CERS3: variants seen among roughly 807,000 people sequenced by gnomAD.
The protein encoded by CERS3 is ceramide synthase 3.
CERS3 carries 33 observed loss-of-function variants against 50.3 expected under a neutral mutation model. That is an observed-to-expected ratio of 0.66 (90% confidence interval 0.50 to 0.88). CERS3 has a LOEUF of 0.88. Ranked by LOEUF, CERS3 falls within the 40% of genes least tolerant of loss-of-function variation. CERS3 has a pLI of 0.00. For synonymous variants in CERS3, 176 were observed against 155.2 expected (o/e 1.13, Z -0.99); for missense variants, 470 against 460.3 (o/e 1.02, Z -0.19).
At chr15:100,417,841 G>A (rs200948329) in intron 11 of CERS3, among the ~76,000 whole-genome samples, 1 of 151,702 alleles carries the variant, frequency 6.6e-6, no homozygotes, top group African/African-American at 2.4e-5. Context: ...CACACAGCAG[G>A]GTATTCCAAC....
At position 100,456,056 on chromosome 15, in the gene CERS3, C is replaced by A. The variant is rs900533042; in HGVS notation, c.846-10G>T. 1.3e-6 allele frequency: 2 copies of A among 1,587,246 alleles called. No homozygotes were observed. Among genetic ancestry groups the A allele is most frequent in the South Asian group, 2.3e-5 (2 of 86,530 alleles). On this transcript the variant is annotated splice_polypyrimidine_tract_variant and intron_variant, in intron 10 of 11. Transcript: ENST00000679737. ...CGTGCAATATAAAATCCTGAAACAC[C>A]AAACAGTTGAGAGAATTTCATTACA... is the stretch of plus-strand genomic sequence containing the variant.
intron 1 of CERS3, among the ~76,000 whole-genome samples, chr15:100,527,211 C>T (rs1391714536): frequency 6.6e-6 from 1 of 152,140 alleles, no homozygotes; most frequent in African/African-American, 2.4e-5. Context: ...GCACGAGAAT[C>T]GCTTGAACCC....
chr15:100,466,839 C>CTCTCTTT (rs1491512108), intron 10 of CERS3, among the ~76,000 whole-genome samples: 1 of 95,806 alleles, frequency 1.0e-5, no homozygotes, highest in Non-Finnish European at 2.0e-5. Context: ...CTCCCTCTCT[C>CTCTCTTT]CCTCTCTCTT....
chr15:100,528,641 G>A (rs1168117435), intron 1 of CERS3, among the ~76,000 whole-genome samples, 172 bp downstream of exon 1: 1 of 152,066 alleles, frequency 6.6e-6, no homozygotes, highest in African/African-American at 2.4e-5. Flanking sequence ...CCAAACATCA[G>A]ACCAAAAATG....
intron 11 of CERS3, among the ~76,000 whole-genome samples, chr15:100,429,286 C>G (rs969862368): frequency 3.3e-5 from 5 of 152,156 alleles, no homozygotes; most frequent in Non-Finnish European, 7.3e-5. Context: ...AGGAGCCCAG[C>G]TGGCATACTT....
At chr15:100,447,545 A>T (rs1480805696) in intron 11 of CERS3, among the ~76,000 whole-genome samples, 1 of 152,204 alleles carries the variant, frequency 6.6e-6, no homozygotes, top group Non-Finnish European at 1.5e-5. Flanking sequence ...GTTCAGGATA[A>T]ATCTATTCAA....
intron 1 of CERS3, among the ~76,000 whole-genome samples, chr15:100,537,133 A>G (rs1324575182): frequency 6.6e-6 from 1 of 152,206 alleles, no homozygotes; most frequent in African/African-American, 2.4e-5. Flanking sequence ...AGGACACTCA[A>G]GAAGGGGTAC....
intron 2 of CERS3, chr15:100,503,677 C>A (rs1409131569): frequency 2.1e-6 from 1 of 470,626 alleles, no homozygotes; most frequent in Admixed American, 2.4e-5. Context: ...GATTTCAAGC[C>A]CCCTCCCCAC....
intron 11 of CERS3, among the ~76,000 whole-genome samples, chr15:100,415,781 G>T (rs962157618): frequency 2.4e-5 from 3 of 126,048 alleles, no homozygotes; most frequent in African/African-American, 8.9e-5. Context: ...CACACACCAG[G>T]GCCTGTCGGG....
chr15:100,476,629 C>T (rs1375545610), intron 7 of CERS3, among the ~76,000 whole-genome samples: 1 of 152,096 alleles, frequency 6.6e-6, no homozygotes, highest in Non-Finnish European at 1.5e-5. Context: ...TTAGCCCATT[C>T]TAAAATGGGA....
intron 11 of CERS3, among the ~76,000 whole-genome samples, chr15:100,443,413 C>G (rs1245118705): frequency 1.3e-5 from 2 of 148,658 alleles, no homozygotes; most frequent in African/African-American, 2.5e-5. Flanking sequence ...ACAAGCCTTA[C>G]AAGTTAGTTC....
intron 3 of CERS3, among the ~76,000 whole-genome samples, chr15:100,495,141 T>C (rs2035772181): frequency 6.6e-6 from 1 of 152,198 alleles, no homozygotes; most frequent in Non-Finnish European, 1.5e-5. Flanking sequence ...ACAGGTCAGA[T>C]AGTGACAGTC....
At chr15:100,406,678 C>T (rs971075365) in intron 11 of CERS3, among the ~76,000 whole-genome samples, 27 of 152,168 alleles carry the variant, frequency 1.8e-4, no homozygotes, top group African/African-American at 5.8e-4. Flanking sequence ...AAAGCACTCC[C>T]TCCTACAGAT....
At chr15:100,533,259 CTTACT>C (rs2036984508), upstream of CERS3, among the ~76,000 whole-genome samples, 2 of 152,190 alleles carry the variant, frequency 1.3e-5, no homozygotes, top group Non-Finnish European at 2.9e-5. Context: ...CACCTTCTAA[CTTACT>C]GTATCTCTTA....
chr15:100,450,074 G>A (rs181438753), intron 11 of CERS3, among the ~76,000 whole-genome samples: 4 of 125,616 alleles, frequency 3.2e-5, no homozygotes, highest in Non-Finnish European at 7.3e-5. Flanking sequence ...AGAAATTCTG[G>A]AAGTAAAGAA....
At chr15:100,472,790 T>C in intron 9 of CERS3, 134 bp downstream of exon 9, 3 of 987,768 alleles carry the variant, frequency 3.0e-6, no homozygotes, top group South Asian at 2.6e-5. Context: ...GATCTGGGAA[T>C]CTAGAGATAT....
At chr15:100,421,258 C>A (rs994223617) in intron 11 of CERS3, among the ~76,000 whole-genome samples, 27 of 148,994 alleles carry the variant, frequency 1.8e-4, no homozygotes, top group Admixed American at 1.3e-3. Flanking sequence ...AATCAATGTA[C>A]AAAAATCACA....
chr15:100,533,748 CAG>C (rs1490817092), upstream of CERS3, among the ~76,000 whole-genome samples: 5 of 151,950 alleles, frequency 3.3e-5, no homozygotes, highest in Admixed American at 3.3e-4. Flanking sequence ...TTAGTAGAGA[CAG>C]GGTTTCACCC....
At chr15:100,479,044 A>C (rs1300680503) in intron 7 of CERS3, among the ~76,000 whole-genome samples, 3 of 152,204 alleles carry the variant, frequency 2.0e-5, no homozygotes, top group Non-Finnish European at 4.4e-5. Context: ...GTAATGTCCA[A>C]GATAATTACT....
Sources: allele counts gnomAD v4.1 joint callset (sites outside exome capture counted in the v4.1 genomes callset), GRCh38; gene constraint gnomAD v4.1.1; transcripts MANE v1.5; gene names NCBI Gene and HGNC (gene_info 2026-07-23, HGNC 2026-07-21).